The following INSC variants were observed in gnomAD, a reference collection of about 807,000 sequenced individuals.
INSC encodes INSC spindle orientation adaptor protein, also known as protein inscuteable homolog.
A neutral mutation model predicts 58.6 loss-of-function variants in INSC; 67 were observed. The ratio of observed to expected loss-of-function variants is 1.14; its 90% CI spans 0.94 to 1.40. The LOEUF is 1.40. Ranked by LOEUF, INSC falls within the 40% of genes most tolerant of loss-of-function variation. The pLI, the probability that INSC is intolerant of heterozygous loss-of-function variation, is 0.00. For synonymous variants in INSC, 262 were observed against 276.1 expected (o/e 0.95, Z 0.51); for missense variants, 714 against 692.0 (o/e 1.03, Z -0.36).
chr11:15,245,160 G>A (rs1852510725), intron 12 of INSC, among the ~76,000 whole-genome samples: 1 of 152,144 alleles, frequency 6.6e-6, no homozygotes, highest in East Asian at 1.9e-4. Flanking sequence ...TGAGAAGCTT[G>A]AGGTCAGCCC....
intron 6 of INSC, among the ~76,000 whole-genome samples, chr11:15,196,756 T>C (rs562150214): frequency 6.6e-6 from 1 of 152,364 alleles, no homozygotes; most frequent in African/African-American, 2.4e-5. Context: ...AAGGGCTTTA[T>C]ACAAATAACA....
At chr11:15,193,945 A>C (rs1048835912) in intron 6 of INSC, among the ~76,000 whole-genome samples, 1 of 152,204 alleles carries the variant, frequency 6.6e-6, no homozygotes. Flanking sequence ...CAACCACATT[A>C]ACATATCCCA....
Position 15,175,949 on chromosome 11 carries a change from C to A in INSC, c.265C>A (p.Arg89Ser). The A allele has an allele frequency of 6.2e-7, 1 of 1,614,068 alleles. No homozygotes were observed. The highest frequency in any genetic ancestry group is 2.2e-5 in the East Asian group (1 of 44,878). The change falls in exon 3 of 13, where the codon CGC (arginine) becomes AGC (serine). Residue 89 changes from arginine to serine, a missense_variant. Arg to Ser is a moderately radical substitution (Grantham distance 110). Transcript: ENST00000379556. ...KRGWVISTEL[R>S]RIGQKLAQDR... ...GGGTTGGGTCATTAGCACAGAGCTG[C>A]GCAGGATCGGGCAGAAGCTGGCCCA...
At chr11:15,261,065 A>G in the INSC span, among the ~76,000 whole-genome samples, 1 of 152,158 alleles carries the variant, frequency 6.6e-6, no homozygotes, top group Non-Finnish European at 1.5e-5. Flanking sequence ...TTGTTAGTGA[A>G]AATTCTGAGC....
chr11:15,222,850 C>T (rs1219815686), intron 8 of INSC, among the ~76,000 whole-genome samples: 1 of 152,098 alleles, frequency 6.6e-6, no homozygotes, highest in Non-Finnish European at 1.5e-5. Flanking sequence ...ACATGGAAGC[C>T]CATTGTTGAA....
chr11:15,224,289 T>C (rs1851549899), intron 8 of INSC, among the ~76,000 whole-genome samples: 1 of 152,178 alleles, frequency 6.6e-6, no homozygotes, highest in Non-Finnish European at 1.5e-5. Flanking sequence ...ACTTTGAGGG[T>C]ATTCAGAATT....
At chr11:15,229,627 A>C (rs1054517557) in intron 9 of INSC, among the ~76,000 whole-genome samples, 8 of 152,056 alleles carry the variant, frequency 5.3e-5, no homozygotes, top group Non-Finnish European at 1.2e-4. Flanking sequence ...ACTTAGAAGC[A>C]AAGCGAATAC....
intron 2 of INSC, among the ~76,000 whole-genome samples, chr11:15,172,502 G>A (rs868127654): frequency 5.3e-5 from 8 of 152,278 alleles, no homozygotes; most frequent in Middle Eastern, 3.4e-3. Flanking sequence ...GGGAGTTCAG[G>A]CACACACACC....
At chr11:15,151,629 C>T (rs1848653856) in intron 2 of INSC, among the ~76,000 whole-genome samples, 2 of 152,056 alleles carry the variant, frequency 1.3e-5, no homozygotes, top group Admixed American at 6.5e-5. Flanking sequence ...TGGTTCTGGG[C>T]ATGGTGGTGG....
intron 9 of INSC, among the ~76,000 whole-genome samples, chr11:15,229,816 G>C (rs779743212): frequency 6.0e-5 from 9 of 148,862 alleles, no homozygotes; most frequent in Non-Finnish European, 1.2e-4. Context: ...CCAGTACTTT[G>C]GGAGGTTGAG....
rs201865257 is a variant in INSC, at chr11:15,200,920, G to A, written c.790G>A (p.Val264Met). 6.0e-5 allele frequency: 97 copies of A among 1,611,156 alleles called. No homozygotes were observed. Among genetic ancestry groups the A allele is most frequent in the East Asian group, 2.0e-4 (9 of 44,756 alleles). Residue 264 changes from valine to methionine, a missense_variant, in exon 7 of 13, where the codon GTG becomes ATG. Transcript: ENST00000379556. ...ALRTLASICC[V>M]EEGVHQLEKV... ...CCGCACGCTGGCCTCCATCTGCTGC[G>A]TGGAAGAGGGTGTCCACCAGCTGGA...
intron 2 of INSC, among the ~76,000 whole-genome samples, chr11:15,172,537 C>T (rs980538659): frequency 2.0e-5 from 3 of 152,216 alleles, no homozygotes; most frequent in African/African-American, 7.2e-5. Context: ...GTTACTAGTG[C>T]CCCACTGAAG....
intron 12 of INSC, among the ~76,000 whole-genome samples, chr11:15,243,284 C>G (rs1223550679): frequency 6.6e-6 from 1 of 152,268 alleles, no homozygotes; most frequent in South Asian, 2.1e-4. Context: ...TTCCCCAAGG[C>G]GTTTCCCAGC....
At chr11:15,191,898 T>A (rs1285483821) in intron 6 of INSC, among the ~76,000 whole-genome samples, 2 of 152,192 alleles carry the variant, frequency 1.3e-5, no homozygotes, top group Non-Finnish European at 2.9e-5. Context: ...CCAAAGATAT[T>A]GGCCAGTGTT....
rs370084312 is a variant in INSC at position 15,149,221 on chromosome 11, C to T, written c.47C>T (p.Pro16Leu). The T allele has an allele frequency of 1.2e-5, 20 of 1,605,558 alleles. No individual in the cohort carries two copies. Among genetic ancestry groups the T allele is most frequent in the South Asian group, 1.0e-4 (9 of 89,754 alleles). ...CGCCACCTGGACTCCGTCACCCTGC[C>T]GGGTCAGCGGTAAGTCCTACAGCTG... is the stretch of plus-strand genomic sequence containing the variant. ...GGRHLDSVTL[P>L]GQRLHLMQVD... is the part of the protein sequence containing the mutation. The change falls in exon 2 of 13, where the codon CCG becomes CTG. Residue 16 changes from proline (P) to leucine (L), a missense_variant. Transcript: ENST00000379556.
At chr11:15,148,015 A>C (rs530027004) in intron 1 of INSC, among the ~76,000 whole-genome samples, 1 of 152,314 alleles carries the variant, frequency 6.6e-6, no homozygotes, top group South Asian at 2.1e-4. Flanking sequence ...GAGAGAGAGA[A>C]ATGAAAAAGA....
chr11:15,125,996 C>A (rs1425248856), intron 1 of INSC, among the ~76,000 whole-genome samples: 1 of 151,894 alleles, frequency 6.6e-6, no homozygotes, highest in African/African-American at 2.4e-5. Context: ...ACATAAGGGA[C>A]CTGTTGGGGA....
chr11:15,227,016 G>A (rs1369128170), intron 9 of INSC, among the ~76,000 whole-genome samples: 1 of 152,172 alleles, frequency 6.6e-6, no homozygotes, highest in Non-Finnish European at 1.5e-5. Flanking sequence ...TAATTTTCTA[G>A]TATCTAAGCA....
chr11:15,246,083 C>G lies in INSC; in HGVS notation c.*43C>G. On this transcript the variant is annotated 3_prime_UTR_variant, in exon 13 of 13. Coordinates refer to ENST00000379556, the MANE Select transcript of INSC (RefSeq NM_001042536.3). ...ATACATTTGGCTGTTCTCACACCCC[C>G]TCTGACTATGCACCAGTGAACACAT... is the stretch of plus-strand genomic sequence containing the variant. 2 of 1,611,078 alleles carry G rather than the reference C, an allele frequency of 1.2e-6. No homozygotes were observed. The highest frequency in any genetic ancestry group is 2.2e-5 in the South Asian group (2 of 90,728).
Sources: allele counts gnomAD v4.1 joint callset (sites outside exome capture counted in the v4.1 genomes callset), GRCh38; gene constraint gnomAD v4.1.1; transcripts MANE v1.5; gene names NCBI Gene and HGNC (gene_info 2026-07-23, HGNC 2026-07-21).